Variants in ARSJ observed in about 807,000 individuals in gnomAD.
ARSJ encodes the protein arylsulfatase J.
A neutral mutation model predicts 35.9 loss-of-function variants in ARSJ; 26 were observed. The ratio of observed to expected loss-of-function variants is 0.72; its 90% confidence interval spans 0.53 to 1.00. The LOEUF is 1.00. ARSJ is among the 50% of genes least tolerant of loss of function. The pLI is 0.00. For synonymous variants in ARSJ, 294 were observed against 267.6 expected (o/e 1.10, Z -0.96); for missense variants, 667 against 723.6 (o/e 0.92, Z 0.90).
intron 1 of ARSJ, chr4:113,944,239 T>C (rs1385198495): frequency 6.6e-6 from 1 of 152,018 alleles, no homozygotes; most frequent in Admixed American, 6.6e-5. Context: ...TATGGATCTA[T>C]GTGTTTGGGC....
intron 1 of ARSJ, among the ~76,000 whole-genome samples, chr4:113,913,978 T>C (rs1050727349): frequency 1.3e-5 from 2 of 152,098 alleles, no homozygotes; most frequent in African/African-American, 2.4e-5. Flanking sequence ...TAAATTTTTA[T>C]TTATTTATTT....
At chr4:113,913,821 G>GT (rs1282984496) in intron 1 of ARSJ, among the ~76,000 whole-genome samples, 1 of 152,076 alleles carries the variant, frequency 6.6e-6, no homozygotes, top group African/African-American at 2.4e-5. Context: ...AGACTAGGGA[G>GT]TAGCTTAAAT....
intron 1 of ARSJ, among the ~76,000 whole-genome samples, chr4:113,931,678 T>G (rs189995269): frequency 1.3e-5 from 2 of 152,086 alleles, no homozygotes; most frequent in African/African-American, 4.8e-5. Context: ...CAGGACCTCA[T>G]GTCAAGGGGC....
rs764151508 is a variant in ARSJ, at chr4:113,902,457, G to T, written c.1617C>A (p.Asp539Glu). The change falls in exon 2 of 2, where the codon GAC becomes GAA. Residue 539 changes from aspartate to glutamate, a missense_variant. By Grantham distance (45) the Asp-to-Glu change is conservative. Coordinates refer to ENST00000315366, the MANE Select transcript of ARSJ (RefSeq NM_024590.4). ...TAVPVRYPPKDPRSNPRLNGG... is the reference protein window; with the variant it reads ...TAVPVRYPPKEPRSNPRLNGG... ...CATTGAGCCTAGGGTTACTTCTGGG[G>T]TCTTTGGGGGGATACCTGACCGGCA... is the stretch of plus-strand genomic sequence containing the variant. 6.2e-7 allele frequency: 1 copy of T among 1,614,042 alleles called. No homozygotes were observed. Among genetic ancestry groups the T allele is most frequent in the South Asian group, 1.1e-5 (1 of 91,074 alleles).
chr4:113,968,526 T>C (rs142328896), intron 1 of ARSJ, among the ~76,000 whole-genome samples: 4 of 152,212 alleles, frequency 2.6e-5, no homozygotes, highest in African/African-American at 9.6e-5. Flanking sequence ...AAAGATGCAA[T>C]GATGTCTTCC....
chr4:113,927,125 G>A (rs1474339283), intron 1 of ARSJ, among the ~76,000 whole-genome samples: 1 of 152,106 alleles, frequency 6.6e-6, no homozygotes, highest in East Asian at 1.9e-4. Context: ...ACCCAAATGA[G>A]GAATGTGTCG....
intron 1 of ARSJ, among the ~76,000 whole-genome samples, chr4:113,940,133 T>C (rs1415971061): frequency 2.0e-5 from 3 of 152,136 alleles, no homozygotes; most frequent in Non-Finnish European, 4.4e-5. Context: ...GCAATTTCAT[T>C]GCTGGGTTTA....
At chr4:113,969,365 C>A (rs1727097444) in intron 1 of ARSJ, among the ~76,000 whole-genome samples, 1 of 133,920 alleles carries the variant, frequency 7.5e-6, no homozygotes, top group Non-Finnish European at 1.6e-5. Context: ...TAATTTTAAC[C>A]CTTTTTTTAA....
intron 1 of ARSJ, among the ~76,000 whole-genome samples, chr4:113,938,254 C>A (rs1396330028): frequency 6.6e-6 from 1 of 152,070 alleles, no homozygotes; most frequent in East Asian, 1.9e-4. Flanking sequence ...ACCATCTGAT[C>A]TTCAAAAAAC....
At position 113,901,896 on chromosome 4, in the gene ARSJ, ATACCCT is replaced by A; in HGVS notation, c.*372_*377del. On this transcript the variant is annotated 3_prime_UTR_variant, in exon 2 of 2. Transcript: ENST00000315366. ...TCAAATTAGCATGCTTGCGGATGGT[ATACCCT>A]GTAACTTCCATCAAATTAGCATGCT... is the stretch of plus-strand genomic sequence containing the variant. 4 of 45,502 alleles carry A rather than the reference ATACCCT, an allele frequency of 8.8e-5. No individual in the cohort carries two copies. The highest frequency in any genetic ancestry group is 2.6e-4 in the Non-Finnish European group (3 of 11,336). The allele number at this position is 45,502 out of a possible 1,614,324, so 2.8% of individuals were successfully genotyped here. A position where few individuals can be genotyped will look rare whatever the true frequency, so the allele number is the denominator to read the frequency against.
At chr4:113,954,441 A>G (rs1726045247) in intron 1 of ARSJ, among the ~76,000 whole-genome samples, 1 of 152,082 alleles carries the variant, frequency 6.6e-6, no homozygotes, top group Non-Finnish European at 1.5e-5. Flanking sequence ...CAGATTTTAA[A>G]TACTTGTAAA....
chr4:113,955,461 C>T (rs1357897586), intron 1 of ARSJ, among the ~76,000 whole-genome samples: 1 of 151,034 alleles, frequency 6.6e-6, no homozygotes, highest in Non-Finnish European at 1.5e-5. Context: ...GAATCAGTGG[C>T]AATACTCAAG....
chr4:113,938,842 G>C (rs1000284084), intron 1 of ARSJ, among the ~76,000 whole-genome samples: 1 of 151,930 alleles, frequency 6.6e-6, no homozygotes, highest in African/African-American at 2.4e-5. Flanking sequence ...GATCATTAGA[G>C]AAATGCATAT....
chr4:113,918,790 A>AATT (rs1001180878), intron 1 of ARSJ, among the ~76,000 whole-genome samples: 54 of 151,978 alleles, frequency 3.6e-4, no homozygotes, highest in East Asian at 2.7e-3. Context: ...AAGATGAAAA[A>AATT]ATTATTATTA....
chr4:113,937,834 G>A (rs1274682890), intron 1 of ARSJ, among the ~76,000 whole-genome samples: 1 of 152,026 alleles, frequency 6.6e-6, no homozygotes, highest in Admixed American at 6.6e-5. Flanking sequence ...GCTAATAAGG[G>A]AAGGGAAGGA....
chr4:113,917,102 G>A (rs996381593), intron 1 of ARSJ, among the ~76,000 whole-genome samples: 3 of 152,032 alleles, frequency 2.0e-5, no homozygotes, highest in South Asian at 2.1e-4. Context: ...ACCTGGGAAA[G>A]CATACCCATT....
chr4:113,902,439 C>T lies in ARSJ; in HGVS notation c.1635G>A (p.Arg545=), dbSNP rs752550715. The change falls in exon 2 of 2, where the codon AGG becomes AGA. Residue 545 remains arginine (R), a synonymous_variant. Coordinates refer to ENST00000315366, the MANE Select transcript of ARSJ (RefSeq NM_024590.4). Reference sequence around the variant, plus strand: ...ATGGTCCCCAGACCCCTCCATTGAGCCTAGGGTTACTTCTGGGGTCTTTGG... The same window carrying T: ...ATGGTCCCCAGACCCCTCCATTGAGTCTAGGGTTACTTCTGGGGTCTTTGG... ...YPPKDPRSNP[R]LNGGVWGPWY... 1 of 1,614,008 alleles carries T rather than the reference C, an allele frequency of 6.2e-7. No homozygotes were observed. The highest frequency in any genetic ancestry group is 8.5e-7 in the Non-Finnish European group (1 of 1,180,012).
chr4:113,966,088 T>A (rs1385524123), intron 1 of ARSJ, among the ~76,000 whole-genome samples: 2 of 151,896 alleles, frequency 1.3e-5, no homozygotes, highest in Non-Finnish European at 2.9e-5. Flanking sequence ...AAATTTATTT[T>A]AAAAATTTCA....
intron 1 of ARSJ, among the ~76,000 whole-genome samples, chr4:113,926,960 C>T (rs1322944620): frequency 6.6e-6 from 1 of 152,174 alleles, no homozygotes; most frequent in African/African-American, 2.4e-5. Flanking sequence ...CTGCCACTGC[C>T]ACCTCAAACT....
Sources: allele counts gnomAD v4.1 joint callset (sites outside exome capture counted in the v4.1 genomes callset), GRCh38; gene constraint gnomAD v4.1.1; transcripts MANE v1.5; gene names NCBI Gene and HGNC (gene_info 2026-07-23, HGNC 2026-07-21).